The following CACHD1 variants were observed in gnomAD, a reference collection of about 807,000 sequenced individuals.
CACHD1 encodes the protein VWFA and cache domain-containing protein 1.
A neutral mutation model predicts 138.7 loss-of-function variants in CACHD1; 71 were observed. The observed-to-expected ratio is 0.51, with a 90% confidence interval of 0.42 to 0.62. The LOEUF (loss-of-function observed/expected upper bound fraction) is 0.62. Ranked by LOEUF, CACHD1 falls within the 20% of genes least tolerant of loss-of-function variation. The probability of loss-of-function intolerance (pLI) is 0.00; values close to 1 mark genes in which losing one functional copy is unlikely to be tolerated. For missense variants in CACHD1, 1,389 were observed against 1,625.3 expected (o/e 0.85, Z 2.50); for synonymous variants, 578 against 591.5 (o/e 0.98, Z 0.33).
intron 1 of CACHD1, among the ~76,000 whole-genome samples, chr1:64,487,438 T>G (rs1646249890): frequency 6.6e-6 from 1 of 152,190 alleles, no homozygotes; most frequent in African/African-American, 2.4e-5. Context: ...GACCTACTCC[T>G]AGAGCCCAAA....
At chr1:64,542,558 A>C (rs927457975) in intron 1 of CACHD1, among the ~76,000 whole-genome samples, 1 of 152,042 alleles carries the variant, frequency 6.6e-6, no homozygotes, top group Non-Finnish European at 1.5e-5. Context: ...GAGTTTGACA[A>C]CTCTGAAAAA....
At position 64,659,017 on chromosome 1, in the gene CACHD1, A is replaced by C. The variant is rs60495599; in HGVS notation, c.1951+144A>C. ...GTTTGGGGATACAAATATGAAAACG[A>C]TTTGAAGCCTGGCCTCAAATCAGAT... On this transcript the variant is annotated intron_variant, in intron 13 of 26. Coordinates refer to ENST00000651257, the MANE Select transcript of CACHD1 (RefSeq NM_020925.4). 3,308 of 675,948 alleles carry C rather than the reference A, an allele frequency of 4.9e-3. 74 individuals are homozygous for C. In the African/African-American group the frequency reaches 0.052, roughly 11 times the overall value. The allele number at this position is 675,948 out of a possible 1,614,324, so 41.9% of individuals were successfully genotyped here. A position where few individuals can be genotyped will look rare whatever the true frequency, so the allele number is the denominator to read the frequency against.
chr1:64,642,075 A>G (rs764685697), intron 8 of CACHD1, 106 bp downstream of exon 8: 216 of 1,072,302 alleles, frequency 2.0e-4, no homozygotes, highest in Non-Finnish European at 2.7e-4. Context: ...GATGAAGGCT[A>G]CGGGAAAAGG....
At chr1:64,664,459 T>C in intron 14 of CACHD1, 39 bp from the exon 15 acceptor site, 1 of 1,596,334 alleles carries the variant, frequency 6.3e-7, no homozygotes. Context: ...TTCATGTGAG[T>C]TTTAAAGGAT....
chr1:64,488,886 T>A (rs1010428045), intron 1 of CACHD1, among the ~76,000 whole-genome samples: 1 of 152,212 alleles, frequency 6.6e-6, no homozygotes, highest in Admixed American at 6.5e-5. Context: ...CTCTGGTAGA[T>A]ACCTAGGATA....
chr1:64,470,964 C>T lies in CACHD1; in HGVS notation c.198+22C>T. On this transcript the variant is annotated intron_variant, in intron 1 of 26. Transcript: ENST00000651257. The surrounding 1 kb of genome is among the most constrained non-coding windows in gnomAD (Gnocchi z 5.2). The stretch of plus-strand genomic sequence containing the variant: ...GCAGGTAAGTGGCCCCCGAGCTGGC[C>T]AGACATCCCGCCTTTCTCCTTTGCT... 1.9e-6 allele frequency: 3 copies of T among 1,572,268 alleles called. No individual in the cohort carries two copies. The South Asian group carries it at 3.6e-5, about 19-fold the overall frequency.
At chr1:64,530,936 T>G (rs1270986268) in intron 1 of CACHD1, among the ~76,000 whole-genome samples, 1 of 148,890 alleles carries the variant, frequency 6.7e-6, no homozygotes, top group African/African-American at 2.4e-5. Context: ...TTTTTTTGTT[T>G]TTTTTTTTTT....
Position 64,681,553 on chromosome 1 carries a change from T to TTTTTTTG in CACHD1, c.3484+224_3484+225insGTTTTTT, listed in dbSNP as rs1650189888. Among the ~76,000 whole-genome samples the TTTTTTTG allele has an allele frequency of 3.4e-5, 5 of 146,228 alleles. 1 individual carries two copies. In the South Asian group the frequency reaches 6.4e-4, roughly 19 times the overall value. ...AAGATTTTATTGTGTTTTTTTTTTT[T>TTTTTTTG]TTTTTTTTTTTGCATTAAGTGTGTT... On this transcript the variant is annotated intron_variant, in intron 25 of 26. Transcript: ENST00000651257.
chr1:64,496,400 T>C (rs1646306600), intron 1 of CACHD1, among the ~76,000 whole-genome samples: 1 of 152,198 alleles, frequency 6.6e-6, no homozygotes, highest in African/African-American at 2.4e-5. Context: ...AAAATTATTC[T>C]ACATCTGGCC....
intron 16 of CACHD1, among the ~76,000 whole-genome samples, chr1:64,667,149 A>G (rs1649662662): frequency 6.6e-6 from 1 of 152,188 alleles, no homozygotes; most frequent in Non-Finnish European, 1.5e-5. Flanking sequence ...TGGGGAGGCA[A>G]GTCACACACA....
At chr1:64,573,051 A>G (rs370682238) in intron 2 of CACHD1, among the ~76,000 whole-genome samples, 1 of 152,214 alleles carries the variant, frequency 6.6e-6, no homozygotes, top group East Asian at 1.9e-4. Context: ...AGTTGCTATC[A>G]GTATACCTTT....
intron 2 of CACHD1, among the ~76,000 whole-genome samples, chr1:64,558,331 A>G (rs1221842135): frequency 6.6e-6 from 1 of 152,214 alleles, no homozygotes; most frequent in Non-Finnish European, 1.5e-5. Context: ...TGCTGTTCAG[A>G]CGAAGATCCC....
chr1:64,626,943 AT>A (rs796338000), intron 4 of CACHD1, among the ~76,000 whole-genome samples: 21 of 149,896 alleles, frequency 1.4e-4, no homozygotes, highest in African/African-American at 3.4e-4. Context: ...AGGATTTAGT[AT>A]TTTTTTTTTC....
At chr1:64,633,996 C>T (rs201033934) in intron 6 of CACHD1, 48 bp from the exon 7 acceptor site, 88 of 1,435,280 alleles carry the variant, frequency 6.1e-5, no homozygotes, top group Non-Finnish European at 7.3e-5. Context: ...AATCTTTAGA[C>T]GGTAGGATAA....
chr1:64,528,433 T>C (rs1646556916), intron 1 of CACHD1, among the ~76,000 whole-genome samples: 1 of 152,196 alleles, frequency 6.6e-6, no homozygotes, highest in African/African-American at 2.4e-5. Context: ...TGTGAGTGTC[T>C]GCCTAGGGAA....
At chr1:64,580,606 T>G (rs1242381819) in intron 2 of CACHD1, among the ~76,000 whole-genome samples, 1 of 152,200 alleles carries the variant, frequency 6.6e-6, no homozygotes, top group African/African-American at 2.4e-5. Context: ...TAATAAAATG[T>G]GAATTTTTTG....
chr1:64,645,938 G>C (rs918275948), intron 8 of CACHD1, among the ~76,000 whole-genome samples: 3 of 152,066 alleles, frequency 2.0e-5, no homozygotes, highest in Admixed American at 1.3e-4. Flanking sequence ...AAGAAAAGAG[G>C]ATCCTGGGAA....
chr1:64,541,637 G>C (rs1646677916), intron 1 of CACHD1, among the ~76,000 whole-genome samples: 1 of 151,972 alleles, frequency 6.6e-6, no homozygotes, highest in Non-Finnish European at 1.5e-5. Context: ...GCGACACCCT[G>C]TCTCTACCAA....
In CACHD1 at chr1:64,678,250, G is replaced by T; in HGVS notation, c.3184G>T (p.Glu1062Ter). The T allele has an allele frequency of 6.2e-7, 1 of 1,610,684 alleles. No individual in the cohort carries two copies. Among genetic ancestry groups the T allele is most frequent in the South Asian group, 1.1e-5 (1 of 90,176 alleles). Residue 1062 changes from glutamate (E) to a stop codon, truncating the protein, a stop_gained, in exon 23 of 27, where the codon GAA becomes TAA. Coordinates refer to ENST00000651257, the MANE Select transcript of CACHD1 (RefSeq NM_020925.4). LOFTEE classifies it high-confidence loss of function. Reference protein sequence around the residue: ...LDKPYCAPQKECFGGIVGAKS... With the variant: ...LDKPYCAPQK ...CAAACCCTACTGTGCCCCCCAGAAA[G>T]AATGCTTCGGGGGGATTGTGGGAGC...
Sources: allele counts gnomAD v4.1 joint callset (sites outside exome capture counted in the v4.1 genomes callset), GRCh38; gene constraint gnomAD v4.1.1; non-coding constraint Gnocchi (gnomAD v3.1); transcripts MANE v1.5; gene names NCBI Gene and HGNC (gene_info 2026-07-23, HGNC 2026-07-21).